The following COL4A1 variants were observed in gnomAD, a reference collection of about 807,000 sequenced individuals.
COL4A1 encodes the protein collagen alpha-1(IV) chain.
In COL4A1, 40 loss-of-function variants were observed where a neutral mutation model predicts 216.6. The observed-to-expected ratio is 0.18, with a 90% CI of 0.14 to 0.24. The LOEUF is 0.24. Ranked by LOEUF, COL4A1 falls within the 10% of genes least tolerant of loss-of-function variation. COL4A1 has a pLI of 1.00. For missense variants in COL4A1, 1,628 were observed against 2,196.8 expected (o/e 0.74, Z 5.18); for synonymous variants, 839 against 810.7 (o/e 1.03, Z -0.59).
chr13:110,174,547 C>G (rs1178670722), intron 38 of COL4A1, 21 bp from the exon 39 acceptor site: 4 of 1,614,154 alleles, frequency 2.5e-6, no homozygotes, highest in Non-Finnish European at 3.4e-6. Flanking sequence ...AAACAAAACA[C>G]CAGAACATCC....
intron 1 of COL4A1, among the ~76,000 whole-genome samples, chr13:110,262,583 C>T (rs1037572241): frequency 7.2e-5 from 11 of 152,162 alleles, no homozygotes; most frequent in Non-Finnish European, 1.0e-4. Flanking sequence ...TCAACAATCT[C>T]GGAGTGCTTT....
chr13:110,185,423 C>T (rs1878356763), intron 26 of COL4A1, among the ~76,000 whole-genome samples: 2 of 152,316 alleles, frequency 1.3e-5, no homozygotes, highest in East Asian at 1.9e-4. Flanking sequence ...GGATTACAGG[C>T]GTGAGCCACC....
At chr13:110,205,279 T>C in intron 17 of COL4A1, 74 bp downstream of exon 17, 1 of 1,575,412 alleles carries the variant, frequency 6.3e-7, no homozygotes, top group South Asian at 1.1e-5. Context: ...TCCTTTATTC[T>C]AGGAAAGAAT....
At chr13:110,173,843 A>G in intron 40 of COL4A1, 57 bp downstream of exon 40, 1 of 1,599,056 alleles carries the variant, frequency 6.3e-7, no homozygotes, top group Non-Finnish European at 8.6e-7. Flanking sequence ...GGCAGTCTGC[A>G]GGTCTCTGGG....
At chr13:110,230,905 C>T (rs940804525) in intron 2 of COL4A1, among the ~76,000 whole-genome samples, 4 of 152,210 alleles carry the variant, frequency 2.6e-5, no homozygotes, top group East Asian at 1.9e-4. Flanking sequence ...AGGGCACACC[C>T]GTTTACCCAG....
intron 2 of COL4A1, among the ~76,000 whole-genome samples, chr13:110,219,660 A>ATATATATG (rs1566384642): frequency 5.0e-5 from 6 of 119,290 alleles, no homozygotes; most frequent in Admixed American, 9.7e-5. Context: ...ATATATATAT[A>ATATATATG]TGTATATATA....
chr13:110,181,402 G>C lies in COL4A1; in HGVS notation c.2096-13C>G. 1 of 1,572,758 alleles carries C rather than the reference G, an allele frequency of 6.4e-7. No homozygotes were observed. Among genetic ancestry groups the C allele is most frequent in the South Asian group, 1.1e-5 (1 of 89,280 alleles). On this transcript the variant is annotated splice_polypyrimidine_tract_variant and intron_variant, in intron 28 of 51. Coordinates refer to ENST00000375820, the MANE Select transcript of COL4A1 (RefSeq NM_001845.6). ...AAGCCGTCAACACCTGTTTTAAAGA[G>C]TCAAAAAAAAAAAACAAACAAACAA... is the stretch of plus-strand genomic sequence containing the variant.
intron 1 of COL4A1, among the ~76,000 whole-genome samples, chr13:110,243,237 A>G (rs759562665): frequency 2.6e-5 from 4 of 152,218 alleles, no homozygotes; most frequent in Admixed American, 1.3e-4. Context: ...TTAAGCCCCA[A>G]TCTTAAAGAA....
intron 2 of COL4A1, among the ~76,000 whole-genome samples, chr13:110,234,984 C>T (rs1239152267): frequency 6.6e-6 from 1 of 152,160 alleles, no homozygotes; most frequent in Non-Finnish European, 1.5e-5. Context: ...TTAAATCCCC[C>T]TAGTATTGTA....
chr13:110,295,641 G>C (rs995757098), intron 1 of COL4A1, among the ~76,000 whole-genome samples: 3 of 152,016 alleles, frequency 2.0e-5, no homozygotes, highest in Non-Finnish European at 4.4e-5. Context: ...GGTCAGGCTG[G>C]TCTCGAACTC....
At position 110,161,132 on chromosome 13, in the gene COL4A1, T is replaced by C. The variant is rs1022254072; in HGVS notation, c.4640+60A>G. The C allele has an allele frequency of 5.1e-5, 78 of 1,542,684 alleles. 1 individual carries two copies. The highest frequency in any genetic ancestry group is 6.8e-5 in the Non-Finnish European group (76 of 1,116,794). On this transcript the variant is annotated intron_variant, in intron 49 of 51. Coordinates refer to ENST00000375820, the MANE Select transcript of COL4A1 (RefSeq NM_001845.6). ...GAGAAAAATAGAAAACATATGCTTG[T>C]CCAGACTAGAGACTTTTCCTCTTCA...
intron 2 of COL4A1, among the ~76,000 whole-genome samples, chr13:110,219,752 GTATA>G (rs1416102632): frequency 5.8e-5 from 8 of 136,988 alleles, no homozygotes; most frequent in Non-Finnish European, 1.1e-4. Context: ...ATACATATGT[GTATA>G]TATGCGTATA....
At chr13:110,161,958 A>T in intron 48 of COL4A1, 1 of 512,654 alleles carries the variant, frequency 2.0e-6, no homozygotes, top group Non-Finnish European at 3.5e-6. Context: ...TGAAGATGAG[A>T]TCTAAAGTTT....
chr13:110,182,538 C>T (rs3783112), intron 28 of COL4A1, among the ~76,000 whole-genome samples: 37,343 of 152,038 alleles, frequency 0.25, 4,706 homozygotes, highest in East Asian at 0.39. Flanking sequence ...ATTCCCTCCT[C>T]ACCTCCTTCC....
intron 1 of COL4A1, among the ~76,000 whole-genome samples, chr13:110,261,532 T>G (rs966702152): frequency 2.0e-5 from 3 of 152,160 alleles, no homozygotes; most frequent in Non-Finnish European, 2.9e-5. Context: ...CAAGTGGAGT[T>G]CCTCAAAATT....
At chr13:110,251,990 G>T (rs1882092285) in intron 1 of COL4A1, among the ~76,000 whole-genome samples, 2 of 152,150 alleles carry the variant, frequency 1.3e-5, no homozygotes, top group Non-Finnish European at 2.9e-5. Flanking sequence ...CAACAACTGG[G>T]CATAAGTGTC....
chr13:110,244,652 G>A (rs968488977), intron 1 of COL4A1, among the ~76,000 whole-genome samples: 3 of 152,094 alleles, frequency 2.0e-5, no homozygotes, highest in Non-Finnish European at 4.4e-5. Context: ...CCTGGCTCCT[G>A]CGAATTGCTG....
intron 1 of COL4A1, among the ~76,000 whole-genome samples, chr13:110,272,483 T>TA (rs564231337): frequency 1.7e-3 from 261 of 152,222 alleles, no homozygotes; most frequent in African/African-American, 6.0e-3. Flanking sequence ...CACATGCATG[T>TA]AGCGCAGATC....
intron 1 of COL4A1, among the ~76,000 whole-genome samples, chr13:110,256,852 A>G (rs1253760482): frequency 6.6e-6 from 1 of 152,136 alleles, no homozygotes; most frequent in Non-Finnish European, 1.5e-5. Flanking sequence ...AATGCATTCT[A>G]TTGATTAATT....
Sources: gnomAD v4.1 joint callset for allele counts (sites outside exome capture counted in the v4.1 genomes callset) on GRCh38, gnomAD v4.1.1 for gene constraint, MANE v1.5 for transcripts, NCBI Gene and HGNC (gene_info 2026-07-23, HGNC 2026-07-21) for gene names.